Variants in DACH2 observed in about 807,000 individuals in gnomAD.
DACH2 encodes the protein dachshund homolog 2.
A neutral mutation model predicts 35.8 loss-of-function variants in DACH2; 17 were observed. That is an observed-to-expected ratio of 0.48 (90% CI 0.33 to 0.71). DACH2 has a LOEUF of 0.71. DACH2 is among the 30% of genes least tolerant of loss of function. The pLI is 0.02. For missense variants in DACH2, 469 were observed against 472.7 expected, an observed-to-expected ratio of 0.99 and a Z score of 0.07; for synonymous variants, 195 against 177.3, an observed-to-expected ratio of 1.10 and a Z score of -0.79.
chrX:86,803,848 T>A (rs2042317867), intron 7 of DACH2, among the ~76,000 whole-genome samples: 1 of 111,179 alleles, frequency 9.0e-6, no homozygotes, highest in Admixed American at 9.6e-5. Context: ...GAGGTAGAAA[T>A]AGGGGTGCAG....
At chrX:86,548,918 A>C (rs2039010455) in intron 3 of DACH2, among the ~76,000 whole-genome samples, 1 of 112,187 alleles carries the variant, frequency 8.9e-6, no homozygotes, top group South Asian at 3.7e-4. Flanking sequence ...TGTTTTAAAG[A>C]ATAGCAAATA....
At chrX:86,754,534 A>G (rs1268091938) in intron 7 of DACH2, among the ~76,000 whole-genome samples, 1 of 111,164 alleles carries the variant, frequency 9.0e-6, no homozygotes, top group Non-Finnish European at 1.9e-5. Context: ...ATCTAAATAT[A>G]TGGTTGTACT....
At chrX:86,717,763 T>C (rs1383560259) in intron 6 of DACH2, among the ~76,000 whole-genome samples, 5 of 104,361 alleles carry the variant, frequency 4.8e-5, no homozygotes, top group African/African-American at 1.7e-4. Context: ...TATATATATA[T>C]ACATATATAT....
intron 2 of DACH2, among the ~76,000 whole-genome samples, chrX:86,380,723 C>A (rs2036033741): frequency 9.1e-6 from 1 of 109,792 alleles, no homozygotes; most frequent in African/African-American, 3.3e-5. Context: ...GAAAGATGAC[C>A]ACTAATCCTA....
chrX:86,573,269 A>G (rs749513622), intron 3 of DACH2, among the ~76,000 whole-genome samples: 10 of 110,983 alleles, frequency 9.0e-5, no homozygotes, highest in Non-Finnish European at 1.5e-4. Flanking sequence ...AGTAAATATC[A>G]CCACTGGTAG....
intron 1 of DACH2, among the ~76,000 whole-genome samples, chrX:86,348,629 T>C (rs1007108953): frequency 6.3e-5 from 7 of 111,654 alleles, no homozygotes; most frequent in Non-Finnish European, 1.1e-4. Flanking sequence ...AATATTTTCT[T>C]TTTTTTTAAT....
chrX:86,181,074 A>G (rs746310049), intron 1 of DACH2, among the ~76,000 whole-genome samples: 7 of 110,597 alleles, frequency 6.3e-5, no homozygotes, highest in Non-Finnish European at 9.4e-5. Context: ...CCAAACATAG[A>G]TGGTGCATTA....
At chrX:86,343,939 G>A (rs2035455145) in intron 1 of DACH2, among the ~76,000 whole-genome samples, 1 of 110,214 alleles carries the variant, frequency 9.1e-6, no homozygotes, top group Admixed American at 9.7e-5. Flanking sequence ...GGGAGGAAGT[G>A]GGGATGGTTA....
intron 1 of DACH2, among the ~76,000 whole-genome samples, chrX:86,273,741 A>C (rs1455219266): frequency 8.9e-6 from 1 of 112,070 alleles, no homozygotes; most frequent in Non-Finnish European, 1.9e-5. Context: ...CCTGAAAACA[A>C]GCCAGGCTCT....
chrX:86,785,553 G>A (rs68140047), intron 7 of DACH2, among the ~76,000 whole-genome samples: 22,532 of 110,775 alleles, frequency 0.2, 1,771 homozygotes, highest in East Asian at 0.46. Context: ...AGGATCTTTG[G>A]ACAGATGGGA....
At chrX:86,714,890 GTTT>G (rs1469714538) in intron 6 of DACH2, among the ~76,000 whole-genome samples, 170 bp downstream of exon 6, 1 of 111,961 alleles carries the variant, frequency 8.9e-6, no homozygotes, top group Non-Finnish European at 1.9e-5. Context: ...GTTTGTTGTT[GTTT>G]GTTTGTTTTC....
intron 1 of DACH2, among the ~76,000 whole-genome samples, chrX:86,241,806 C>T (rs771089489): frequency 2.7e-5 from 3 of 112,417 alleles, no homozygotes; most frequent in Admixed American, 1.9e-4. Context: ...CCCTGCACTG[C>T]TTCAGGTCCA....
intron 5 of DACH2, among the ~76,000 whole-genome samples, chrX:86,703,199 A>AT (rs1193303214): frequency 9.1e-6 from 1 of 110,256 alleles, no homozygotes; most frequent in Non-Finnish European, 1.9e-5. Flanking sequence ...TGCAGAAAAA[A>AT]ATTCAATGAA....
chrX:86,726,905 G>T (rs1054017644), intron 6 of DACH2, among the ~76,000 whole-genome samples: 9 of 111,921 alleles, frequency 8.0e-5, no homozygotes, highest in African/African-American at 2.9e-4. Context: ...TGTTTTTGGG[G>T]TTTCCATCAG....
intron 1 of DACH2, among the ~76,000 whole-genome samples, chrX:86,300,688 T>TA (rs1478742723): frequency 2.7e-5 from 3 of 111,666 alleles, no homozygotes; most frequent in Admixed American, 1.9e-4. Context: ...AGTATAATAA[T>TA]AAAAAAATGT....
chrX:86,433,680 C>A (rs1328067519), intron 2 of DACH2, among the ~76,000 whole-genome samples: 1 of 110,952 alleles, frequency 9.0e-6, no homozygotes, highest in Non-Finnish European at 1.9e-5. Flanking sequence ...GTAAGGAATA[C>A]CTGGTTGAAT....
At chrX:86,213,173 A>G (rs1370606118) in intron 1 of DACH2, among the ~76,000 whole-genome samples, 2 of 111,600 alleles carry the variant, frequency 1.8e-5, no homozygotes, top group Admixed American at 9.5e-5. Flanking sequence ...TGACCTAGGA[A>G]GGGAATGAGC....
chrX:86,393,554 G>C (rs957204673), intron 2 of DACH2, among the ~76,000 whole-genome samples: 1 of 112,329 alleles, frequency 8.9e-6, no homozygotes, highest in Non-Finnish European at 1.9e-5. Flanking sequence ...TGCAAAGGCA[G>C]AACTCCCATG....
chrX:86,759,565 T>G (rs1212973684), intron 7 of DACH2, among the ~76,000 whole-genome samples: 1 of 109,351 alleles, frequency 9.1e-6, no homozygotes, highest in Non-Finnish European at 1.9e-5. Flanking sequence ...TGTTTGTTTT[T>G]TTTTTTTTTA....
Sources: gnomAD v4.1 joint callset for allele counts (sites outside exome capture counted in the v4.1 genomes callset) on GRCh38, gnomAD v4.1.1 for gene constraint, MANE v1.5 for transcripts, NCBI Gene and HGNC (gene_info 2026-07-23, HGNC 2026-07-21) for gene names.